The following CNTN6 variants were observed in gnomAD, a reference collection of about 807,000 sequenced individuals.
The protein encoded by CNTN6 is contactin 6.
A neutral mutation model predicts 122.8 loss-of-function variants in CNTN6; 137 were observed. The observed-to-expected ratio is 1.12, with a 90% CI of 0.97 to 1.29. The LOEUF is 1.29. CNTN6 is among the 50% of genes most tolerant of loss of function. The pLI, the probability that CNTN6 is intolerant of heterozygous loss-of-function variation, is 0.00. For missense variants in CNTN6, 1,634 were observed against 1,223.4 expected (o/e 1.34, Z -5.01); for synonymous variants, 570 against 426.0 (o/e 1.34, Z -4.16).
intron 11 of CNTN6, among the ~76,000 whole-genome samples, chr3:1,345,168 G>T (rs373232382): frequency 1.3e-5 from 2 of 150,554 alleles, no homozygotes; most frequent in East Asian, 2.0e-4. Context: ...CCAGGCTGTA[G>T]TGCGGTGGCA....
At chr3:1,176,756 T>C (rs1342999883) in intron 2 of CNTN6, among the ~76,000 whole-genome samples, 2 of 152,114 alleles carry the variant, frequency 1.3e-5, no homozygotes, top group East Asian at 3.9e-4. Flanking sequence ...ATAGAAGCAA[T>C]AGATACAGAC....
chr3:1,166,019 A>C (rs193030368), intron 2 of CNTN6, among the ~76,000 whole-genome samples: 1 of 152,138 alleles, frequency 6.6e-6, no homozygotes, highest in African/African-American at 2.4e-5. Flanking sequence ...GAATTCCTAC[A>C]TCTCTGAGAA....
intron 4 of CNTN6, among the ~76,000 whole-genome samples, chr3:1,238,145 G>T (rs2125593303): frequency 6.6e-6 from 1 of 152,212 alleles, no homozygotes; most frequent in South Asian, 2.1e-4. Context: ...ATACGGAATG[G>T]CAGAATAAAC....
At chr3:1,291,726 C>T (rs2125848201) in intron 5 of CNTN6, among the ~76,000 whole-genome samples, 1 of 152,206 alleles carries the variant, frequency 6.6e-6, no homozygotes, top group East Asian at 1.9e-4. Flanking sequence ...AACCTTTGAG[C>T]ATCTCTTTGG....
chr3:1,149,776 C>G (rs950685417), intron 2 of CNTN6, among the ~76,000 whole-genome samples: 1 of 152,036 alleles, frequency 6.6e-6, no homozygotes, highest in African/African-American at 2.4e-5. Context: ...ATATTCCTAC[C>G]CTTAAGTTTC....
chr3:1,299,760 G>A (rs1444791964), intron 7 of CNTN6, among the ~76,000 whole-genome samples: 2 of 152,144 alleles, frequency 1.3e-5, no homozygotes, highest in Non-Finnish European at 2.9e-5. Flanking sequence ...CTGGGAGACA[G>A]ATTCAATTCC....
At chr3:1,398,946 A>C (rs1239543278) in intron 20 of CNTN6, among the ~76,000 whole-genome samples, 2 of 152,160 alleles carry the variant, frequency 1.3e-5, no homozygotes, top group African/African-American at 4.8e-5. Flanking sequence ...CACAAATGCA[A>C]ACATGTCAAT....
At chr3:1,103,360 C>T (rs1277444031) in intron 1 of CNTN6, among the ~76,000 whole-genome samples, 1 of 152,104 alleles carries the variant, frequency 6.6e-6, no homozygotes, top group African/African-American at 2.4e-5. Context: ...TAGAATTAGC[C>T]GGTGCTTATA....
At chr3:1,260,269 A>G (rs556302028) in intron 4 of CNTN6, among the ~76,000 whole-genome samples, 4 of 152,242 alleles carry the variant, frequency 2.6e-5, no homozygotes, top group East Asian at 1.9e-4. Context: ...TCGGGAGTCA[A>G]TTGCCTGTGT....
At chr3:1,214,210 C>G (rs941435674) in intron 2 of CNTN6, among the ~76,000 whole-genome samples, 1 of 146,162 alleles carries the variant, frequency 6.8e-6, no homozygotes, top group African/African-American at 2.5e-5. Context: ...TAAGTGATCT[C>G]TTTAAGAATA....
intron 1 of CNTN6, among the ~76,000 whole-genome samples, chr3:1,093,527 CT>C (rs753856056): frequency 0.021 from 2,795 of 132,054 alleles, 35 homozygotes; most frequent in African/African-American, 0.038. Flanking sequence ...TGTTTTTTGT[CT>C]TTTTTTTTTT....
chr3:1,234,611 T>A (rs2094398398), intron 4 of CNTN6, among the ~76,000 whole-genome samples: 1 of 152,212 alleles, frequency 6.6e-6, no homozygotes, highest in Non-Finnish European at 1.5e-5. Flanking sequence ...AAGTCTCCGA[T>A]AATTGCGAAG....
At chr3:1,305,558 T>G (rs375928462) in intron 7 of CNTN6, among the ~76,000 whole-genome samples, 1 of 152,190 alleles carries the variant, frequency 6.6e-6, no homozygotes, top group Non-Finnish European at 1.5e-5. Flanking sequence ...CTGATAGATA[T>G]GTACGTCTCC....
intron 7 of CNTN6, among the ~76,000 whole-genome samples, chr3:1,310,887 G>C (rs544772953): frequency 6.6e-6 from 1 of 152,140 alleles, no homozygotes; most frequent in East Asian, 1.9e-4. Context: ...TGTAATCCCA[G>C]CTACTCAGGT....
intron 2 of CNTN6, among the ~76,000 whole-genome samples, chr3:1,149,319 C>T (rs2092789400): frequency 6.6e-6 from 1 of 152,114 alleles, no homozygotes; most frequent in Admixed American, 6.6e-5. Flanking sequence ...CATGCTTCTT[C>T]CCCCCGACTA....
intron 12 of CNTN6, among the ~76,000 whole-genome samples, chr3:1,357,125 T>C (rs755468226): frequency 1.3e-5 from 2 of 151,932 alleles, no homozygotes; most frequent in Non-Finnish European, 2.9e-5. Context: ...AAAGGATAGA[T>C]GTTAATACAG....
intron 7 of CNTN6, among the ~76,000 whole-genome samples, chr3:1,300,559 AAGAAAG>A (rs1697131730): frequency 3.4e-5 from 1 of 29,508 alleles, no homozygotes; most frequent in Non-Finnish European, 7.1e-5. Flanking sequence ...GAGAAAGAAA[AAGAAAG>A]AAAGAAAGAA....
At chr3:1,188,114 G>A (rs1439775315) in intron 2 of CNTN6, among the ~76,000 whole-genome samples, 3 of 152,084 alleles carry the variant, frequency 2.0e-5, no homozygotes, top group Non-Finnish European at 2.9e-5. Flanking sequence ...ACCCAATGAT[G>A]CAAGCAAATA....
Position 1,297,959 on chromosome 3 carries a change from A to G in CNTN6, c.729A>G (p.Ser243=), listed in dbSNP as rs1486594642. The G allele has an allele frequency of 1.9e-6, 3 of 1,612,230 alleles. No homozygotes were observed. Among genetic ancestry groups the G allele is most frequent in the African/African-American group, 1.3e-5 (1 of 74,904 alleles). The change falls in exon 7 of 23, where the codon TCA becomes TCG. Residue 243 remains serine, a synonymous_variant. Transcript: ENST00000446702. ...AAACTATACAAGCTGCAAAGGATTCATCTGTAAAACTGGAATGTTTTGCCC... is the reference window on the plus strand; with the variant it reads ...AAACTATACAAGCTGCAAAGGATTCGTCTGTAAAACTGGAATGTTTTGCCC... ...FPETIQAAKD[S]SVKLECFALG...
Sources: allele counts gnomAD v4.1 joint callset (sites outside exome capture counted in the v4.1 genomes callset), GRCh38; gene constraint gnomAD v4.1.1; transcripts MANE v1.5; gene names NCBI Gene and HGNC (gene_info 2026-07-23, HGNC 2026-07-21).